Variants in ETNK1 observed in about 807,000 individuals in gnomAD.
The protein encoded by ETNK1 is ethanolamine kinase 1, also known as putative protein product of Nbla10396.
Under a neutral mutation model 45.1 loss-of-function variants are expected in ETNK1, and 8 were observed. The observed-to-expected ratio is 0.18, with a 90% CI of 0.10 to 0.32. ETNK1 has a LOEUF of 0.32. Ranked by LOEUF, ETNK1 falls within the 10% of genes least tolerant of loss-of-function variation. The pLI, the probability that ETNK1 is intolerant of heterozygous loss-of-function variation, is 1.00. For synonymous variants in ETNK1, 152 were observed against 151.9 expected (o/e 1.00, Z -0.01); for missense variants, 302 against 430.6 (o/e 0.70, Z 2.64).
chr12:22,641,667 G>T (rs1053574140), intron 1 of ETNK1, among the ~76,000 whole-genome samples: 14 of 152,008 alleles, frequency 9.2e-5, no homozygotes, highest in Middle Eastern at 3.2e-3. Flanking sequence ...AAAGAAAAAA[G>T]GTTAAATTAC....
intron 4 of ETNK1, among the ~76,000 whole-genome samples, chr12:22,666,542 C>T (rs1307123847): frequency 6.6e-6 from 1 of 152,160 alleles, no homozygotes; most frequent in South Asian, 2.1e-4. Flanking sequence ...GATGTTCTCT[C>T]AGAATGTTTA....
intron 6 of ETNK1, among the ~76,000 whole-genome samples, chr12:22,684,002 A>G (rs1592139292): frequency 6.6e-6 from 1 of 152,172 alleles, no homozygotes; most frequent in East Asian, 1.9e-4. Flanking sequence ...GTTATGCAGA[A>G]TTAAGCCAGT....
At chr12:22,659,889 GC>G (rs1267569203) in intron 3 of ETNK1, among the ~76,000 whole-genome samples, 2 of 152,044 alleles carry the variant, frequency 1.3e-5, no homozygotes, top group African/African-American at 4.8e-5. Flanking sequence ...GAAAACCCTT[GC>G]CCCAATAGAA....
At position 22,685,422 on chromosome 12, in the gene ETNK1, A is replaced by T. The variant is rs1413404102; in HGVS notation, c.*468A>T. The T allele has an allele frequency of 6.6e-6, 1 of 152,204 alleles. No homozygotes were observed. Among genetic ancestry groups the T allele is most frequent in the Non-Finnish European group, 1.5e-5 (1 of 68,042 alleles). The allele number at this position is 152,204 out of a possible 1,614,324, so 9.4% of individuals were successfully genotyped here. On this transcript the variant is annotated 3_prime_UTR_variant, in exon 8 of 8. Transcript: ENST00000266517. ...ATCTTGATGCATTGTAAGTAAAATG[A>T]ATCATTTACTCTTGAAATGCCAGTC...
chr12:22,689,270 T>C lies in ETNK1; in HGVS notation c.*4316T>C, dbSNP rs940272932. On this transcript the variant is annotated 3_prime_UTR_variant, in exon 8 of 8. Coordinates refer to ENST00000266517, the MANE Select transcript of ETNK1 (RefSeq NM_018638.5). ...CTGTAAACTGTTTTAAACTATTTTG[T>C]GTTTGACGCATCAAACTTCAAGTTT... is the stretch of plus-strand genomic sequence containing the variant. 3 of 151,952 alleles carry C rather than the reference T, an allele frequency of 2.0e-5. No individual in the cohort carries two copies. The highest frequency in any genetic ancestry group is 7.2e-5 in the African/African-American group (3 of 41,436). The allele number at this position is 151,952 out of a possible 1,614,324, so 9.4% of individuals were successfully genotyped here.
chr12:22,661,296 T>G, intron 4 of ETNK1, 91 bp downstream of exon 4: 1 of 1,143,662 alleles, frequency 8.7e-7, no homozygotes, highest in Non-Finnish European at 1.2e-6. Flanking sequence ...TAAATTCAAA[T>G]GCAAGGAGTA....
intron 2 of ETNK1, among the ~76,000 whole-genome samples, chr12:22,650,908 AT>A (rs1953866527): frequency 6.6e-6 from 1 of 152,184 alleles, no homozygotes; most frequent in South Asian, 2.1e-4. Context: ...AAAAAATTTG[AT>A]TATGGTAAAT....
intron 2 of ETNK1, 51 bp downstream of exon 2, chr12:22,644,073 G>T: frequency 1.3e-6 from 2 of 1,516,256 alleles, no homozygotes; most frequent in Non-Finnish European, 8.9e-7. Context: ...GCATTTAAGT[G>T]CATTAAGGAA....
intron 2 of ETNK1, among the ~76,000 whole-genome samples, chr12:22,654,222 T>C (rs1442038881): frequency 6.6e-6 from 1 of 152,232 alleles, no homozygotes; most frequent in Non-Finnish European, 1.5e-5. Context: ...CTACCTTGTT[T>C]ATGGCATTTT....
chr12:22,625,918 C>T, intron 1 of ETNK1: 3 of 589,776 alleles, frequency 5.1e-6, no homozygotes, highest in Non-Finnish European at 9.6e-6. Context: ...TGAACCTTTC[C>T]ACTCCCCTTG....
In ETNK1 at chr12:22,645,187, A is replaced by G. The variant is rs557108746; in HGVS notation, c.416+1165A>G. 5.5e-4 allele frequency among the ~76,000 whole-genome samples: 83 copies of G among 151,988 alleles called. No homozygotes were observed. In the South Asian group the frequency reaches 0.016, roughly 30 times the overall value. ...TTATAAATCCTCAATCTTGTTCACA[A>G]TGGTTGACAAATACCTATATAACAG... On this transcript the variant is annotated intron_variant, in intron 2 of 7. Transcript: ENST00000266517.
At chr12:22,673,028 C>A (rs111391382) in intron 5 of ETNK1, among the ~76,000 whole-genome samples, 4 of 152,064 alleles carry the variant, frequency 2.6e-5, no homozygotes, top group African/African-American at 9.6e-5. Flanking sequence ...AAAATGTATT[C>A]TTGGTTGCAG....
At chr12:22,665,656 G>A (rs1359760098) in intron 4 of ETNK1, among the ~76,000 whole-genome samples, 3 of 152,146 alleles carry the variant, frequency 2.0e-5, no homozygotes, top group Admixed American at 6.5e-5. Context: ...TGAGTGAGCT[G>A]TGTTCAAATA....
chr12:22,672,710 C>CT (rs1169158438), intron 5 of ETNK1, among the ~76,000 whole-genome samples: 1 of 152,158 alleles, frequency 6.6e-6, no homozygotes, highest in African/African-American at 2.4e-5. Context: ...GGGGAAAAAA[C>CT]TTTAAGATGA....
intron 7 of ETNK1, 21 bp from the exon 8 acceptor site, chr12:22,684,861 G>T: frequency 6.3e-7 from 1 of 1,583,066 alleles, no homozygotes. Context: ...TAATTTTTTT[G>T]TTGTTCTCTT....
intron 6 of ETNK1, among the ~76,000 whole-genome samples, chr12:22,674,800 A>C (rs1306856141): frequency 6.6e-6 from 1 of 152,208 alleles, no homozygotes; most frequent in Non-Finnish European, 1.5e-5. Flanking sequence ...TTTTGATGAC[A>C]TTTAAGATTT....
At chr12:22,658,738 CT>C (rs1953969522) in intron 2 of ETNK1, among the ~76,000 whole-genome samples, 1 of 152,182 alleles carries the variant, frequency 6.6e-6, no homozygotes, top group South Asian at 2.1e-4. Flanking sequence ...GTAAAACAAC[CT>C]AATGATTCTT....
chr12:22,660,856 T>A (rs1251600491), intron 3 of ETNK1, among the ~76,000 whole-genome samples: 1 of 152,146 alleles, frequency 6.6e-6, no homozygotes, highest in African/African-American at 2.4e-5. Flanking sequence ...TACATTTTAA[T>A]TGCTGCTCAG....
chr12:22,659,280 A>G, intron 3 of ETNK1, 126 bp downstream of exon 3: 2 of 959,930 alleles, frequency 2.1e-6, no homozygotes, highest in East Asian at 5.3e-5. Context: ...AAGTAAAGTA[A>G]GCATTGATTC....
Sources: gnomAD v4.1 joint callset for allele counts (sites outside exome capture counted in the v4.1 genomes callset) on GRCh38, gnomAD v4.1.1 for gene constraint, MANE v1.5 for transcripts, NCBI Gene and HGNC (gene_info 2026-07-23, HGNC 2026-07-21) for gene names.